Variants in TAFA4 observed in about 807,000 individuals in gnomAD.
TAFA4 encodes the protein TAFA chemokine like family member 4, also known as chemokine-like protein TAFA-4.
In TAFA4, 20 loss-of-function variants were observed where a neutral mutation model predicts 21.1. That is an observed-to-expected ratio of 0.95 (90% CI 0.67 to 1.38). The LOEUF (loss-of-function observed/expected upper bound fraction) is 1.38. TAFA4 is among the 40% of genes most tolerant of loss of function. The probability of loss-of-function intolerance (pLI) is 0.00; values close to 1 mark genes in which losing one functional copy is unlikely to be tolerated. For synonymous variants in TAFA4, 71 were observed against 67.4 expected (o/e 1.05, Z -0.26); for missense variants, 211 against 180.9 (o/e 1.17, Z -0.95).
chr3:68,917,883 G>C (rs1040878189), intron 1 of TAFA4, among the ~76,000 whole-genome samples: 1 of 150,758 alleles, frequency 6.6e-6, no homozygotes, highest in African/African-American at 2.5e-5. Context: ...GTTTGTGGAC[G>C]ATCAGGACAA....
At chr3:68,764,815 T>C (rs1702818104) in intron 3 of TAFA4, among the ~76,000 whole-genome samples, 1 of 152,136 alleles carries the variant, frequency 6.6e-6, no homozygotes, top group South Asian at 2.1e-4. Flanking sequence ...AATGAGTACC[T>C]TGCTTCTGAG....
intron 1 of TAFA4, among the ~76,000 whole-genome samples, chr3:68,899,526 A>C: frequency 6.6e-6 from 1 of 152,148 alleles, no homozygotes; most frequent in East Asian, 1.9e-4. Context: ...TCAGGATCTA[A>C]AAAAGCAGCA....
intron 3 of TAFA4, among the ~76,000 whole-genome samples, chr3:68,753,395 G>A (rs1702598133): frequency 6.8e-6 from 1 of 148,032 alleles, no homozygotes; most frequent in Non-Finnish European, 1.5e-5. Flanking sequence ...GAGTGCAGTG[G>A]CACGATCTCA....
chr3:68,734,847 T>G (rs1475114408), intron 5 of TAFA4, among the ~76,000 whole-genome samples: 1 of 152,132 alleles, frequency 6.6e-6, no homozygotes, highest in Non-Finnish European at 1.5e-5. Flanking sequence ...TCTTTCTGGA[T>G]CTATCAGTCT....
At chr3:68,734,329 C>T (rs1035176972) in intron 5 of TAFA4, among the ~76,000 whole-genome samples, 1 of 152,030 alleles carries the variant, frequency 6.6e-6, no homozygotes, top group Admixed American at 6.6e-5. Flanking sequence ...ATCCCTATTC[C>T]AGAGGAAGAG....
chr3:68,751,754 A>G (rs776611591), intron 4 of TAFA4, among the ~76,000 whole-genome samples: 21 of 152,194 alleles, frequency 1.4e-4, no homozygotes, highest in Non-Finnish European at 2.5e-4. Context: ...TTCACTGCAG[A>G]TATAGTAATA....
At chr3:68,815,089 G>A (rs2106852241) in intron 3 of TAFA4, among the ~76,000 whole-genome samples, 1 of 152,304 alleles carries the variant, frequency 6.6e-6, no homozygotes, top group Non-Finnish European at 1.5e-5. Context: ...AATAAATGGT[G>A]CTGGGAAACC....
intron 1 of TAFA4, among the ~76,000 whole-genome samples, chr3:68,929,642 C>A (rs1049659119): frequency 5.3e-5 from 8 of 152,150 alleles, no homozygotes; most frequent in Admixed American, 2.6e-4. Context: ...TGTAAAGAAA[C>A]AGAGCCAGAA....
intron 3 of TAFA4, among the ~76,000 whole-genome samples, chr3:68,860,059 TA>T (rs2089313513): frequency 6.6e-6 from 1 of 152,128 alleles, no homozygotes; most frequent in African/African-American, 2.4e-5. Context: ...TGGAGCTTTT[TA>T]ACCTAAGATA....
chr3:68,918,488 CTA>C (rs2090027000), intron 1 of TAFA4, among the ~76,000 whole-genome samples: 1 of 152,162 alleles, frequency 6.6e-6, no homozygotes, highest in South Asian at 2.1e-4. Context: ...TCATTGCAAG[CTA>C]TGTCTAATTT....
chr3:68,853,419 G>A (rs902252), intron 3 of TAFA4, among the ~76,000 whole-genome samples: 5,476 of 151,844 alleles, frequency 0.036, 311 homozygotes, highest in African/African-American at 0.12. Context: ...AATTTTCCCC[G>A]AAATGCCTAC....
intron 1 of TAFA4, among the ~76,000 whole-genome samples, chr3:68,887,747 T>C (rs1411443815): frequency 2.0e-5 from 3 of 152,238 alleles, no homozygotes; most frequent in Non-Finnish European, 1.5e-5. Flanking sequence ...CAAGGCTGCA[T>C]AGGGCATTGA....
At chr3:68,798,192 A>G (rs1276421624) in intron 3 of TAFA4, among the ~76,000 whole-genome samples, 1 of 152,174 alleles carries the variant, frequency 6.6e-6, no homozygotes, top group Non-Finnish European at 1.5e-5. Flanking sequence ...ACTTGATGCA[A>G]TTGGTAAATG....
chr3:68,744,232 C>T (rs1236517037), intron 4 of TAFA4, among the ~76,000 whole-genome samples: 9 of 152,128 alleles, frequency 5.9e-5, no homozygotes, highest in South Asian at 2.1e-4. Context: ...AAGACAGGAG[C>T]GACAGTGACG....
At chr3:68,849,424 T>C (rs1350966945) in intron 3 of TAFA4, among the ~76,000 whole-genome samples, 2 of 152,206 alleles carry the variant, frequency 1.3e-5, no homozygotes, top group Admixed American at 1.3e-4. Context: ...TTCTTGAATC[T>C]TGAGCCACTA....
At chr3:68,761,423 A>T (rs1012533104) in intron 3 of TAFA4, among the ~76,000 whole-genome samples, 2 of 152,250 alleles carry the variant, frequency 1.3e-5, no homozygotes, top group African/African-American at 4.8e-5. Flanking sequence ...AATTTAAAAT[A>T]GGAAGAGCCT....
chr3:68,805,961 CA>C (rs1392088384), intron 3 of TAFA4, among the ~76,000 whole-genome samples: 2 of 151,060 alleles, frequency 1.3e-5, no homozygotes, highest in African/African-American at 4.9e-5. Context: ...ATAATAATAA[CA>C]AAATTTTTTT....
At chr3:68,760,867 G>C (rs1338742671) in intron 3 of TAFA4, among the ~76,000 whole-genome samples, 1 of 152,194 alleles carries the variant, frequency 6.6e-6, no homozygotes, top group Non-Finnish European at 1.5e-5. Flanking sequence ...GGACAAACTT[G>C]GTAGTTTAGT....
chr3:68,796,260 A>G (rs1250730897), intron 3 of TAFA4, among the ~76,000 whole-genome samples: 2 of 152,174 alleles, frequency 1.3e-5, no homozygotes, highest in African/African-American at 4.8e-5. Context: ...TTAGTGACAA[A>G]CTGTAGAATA....
Sources: gnomAD v4.1 joint callset for allele counts (sites outside exome capture counted in the v4.1 genomes callset) on GRCh38, gnomAD v4.1.1 for gene constraint, MANE v1.5 for transcripts, NCBI Gene and HGNC (gene_info 2026-07-23, HGNC 2026-07-21) for gene names.